The following RAP1GDS1 variants were observed in gnomAD, a reference collection of about 807,000 sequenced individuals.
The protein encoded by RAP1GDS1 is RAP1, GTP-GDP dissociation stimulator 1.
RAP1GDS1 carries 35 observed loss-of-function variants against 71.1 expected under a neutral mutation model. That is an observed-to-expected ratio of 0.49 (90% CI 0.38 to 0.65). The LOEUF is 0.65. RAP1GDS1 is among the 30% of genes least tolerant of loss of function. The probability of loss-of-function intolerance (pLI) is 0.00; values close to 1 mark genes in which losing one functional copy is unlikely to be tolerated. For synonymous variants in RAP1GDS1, 229 were observed against 243.1 expected, an observed-to-expected ratio of 0.94 and a Z score of 0.54; for missense variants, 663 against 706.1, an observed-to-expected ratio of 0.94 and a Z score of 0.69.
chr4:98,329,694 C>T (rs773855147), intron 2 of RAP1GDS1, among the ~76,000 whole-genome samples: 5 of 148,482 alleles, frequency 3.4e-5, no homozygotes, highest in Non-Finnish European at 5.9e-5. Context: ...GAGGCTGAGG[C>T]AGGAGAATCA....
chr4:98,312,619 C>T (rs566409409), intron 2 of RAP1GDS1, among the ~76,000 whole-genome samples: 1 of 152,144 alleles, frequency 6.6e-6, no homozygotes, highest in African/African-American at 2.4e-5. Context: ...TAAGATGATC[C>T]TCTTTTCTAG....
intron 5 of RAP1GDS1, chr4:98,387,544 A>G (rs562997865): frequency 8.9e-6 from 4 of 448,872 alleles, no homozygotes; most frequent in East Asian, 1.4e-4. Context: ...TGATTGCCTT[A>G]TATCTCTTTG....
intron 2 of RAP1GDS1, among the ~76,000 whole-genome samples, chr4:98,323,635 T>C (rs1424402632): frequency 8.2e-6 from 1 of 122,356 alleles, no homozygotes; most frequent in African/African-American, 3.3e-5. Context: ...AATCAATAAA[T>C]GTAATCCAGC....
chr4:98,352,396 G>T (rs767822852), intron 3 of RAP1GDS1, 80 bp from the exon 4 acceptor site: 71 of 1,449,196 alleles, frequency 4.9e-5, no homozygotes, highest in Non-Finnish European at 6.2e-5. Flanking sequence ...TTAAAAGTAG[G>T]TATTTATTTT....
intron 1 of RAP1GDS1, among the ~76,000 whole-genome samples, chr4:98,278,651 T>C (rs1358419351): frequency 6.6e-6 from 1 of 152,200 alleles, no homozygotes; most frequent in Non-Finnish European, 1.5e-5. Flanking sequence ...TAAGCTCTTT[T>C]ATATCCTCAT....
At chr4:98,427,365 A>G (rs1313539296) in intron 12 of RAP1GDS1, among the ~76,000 whole-genome samples, 1 of 152,176 alleles carries the variant, frequency 6.6e-6, no homozygotes, top group Non-Finnish European at 1.5e-5. Flanking sequence ...TCCTAGCCAG[A>G]GCAATCAGAC....
At chr4:98,333,328 A>G (rs1267825785) in intron 2 of RAP1GDS1, among the ~76,000 whole-genome samples, 1 of 152,014 alleles carries the variant, frequency 6.6e-6, no homozygotes, top group Non-Finnish European at 1.5e-5. Context: ...AATTCTTAGT[A>G]ACAATTTTTA....
chr4:98,344,245 C>T (rs1578518209), intron 3 of RAP1GDS1, among the ~76,000 whole-genome samples: 1 of 152,156 alleles, frequency 6.6e-6, no homozygotes, highest in Non-Finnish European at 1.5e-5. Context: ...ACTTATCACT[C>T]TTATATGTCA....
At chr4:98,439,821 A>G (rs1010121364) in intron 14 of RAP1GDS1, among the ~76,000 whole-genome samples, 3 of 152,178 alleles carry the variant, frequency 2.0e-5, no homozygotes, top group African/African-American at 7.2e-5. Flanking sequence ...CATTTTTAGA[A>G]TTGTGGTAAA....
At chr4:98,286,717 T>C (rs1178593077) in intron 1 of RAP1GDS1, among the ~76,000 whole-genome samples, 1 of 151,620 alleles carries the variant, frequency 6.6e-6, no homozygotes. Flanking sequence ...AAACCCCGTG[T>C]CTACTAAAAA....
chr4:98,267,660 C>T (rs765748876), intron 1 of RAP1GDS1, among the ~76,000 whole-genome samples: 6 of 152,180 alleles, frequency 3.9e-5, no homozygotes, highest in Non-Finnish European at 8.8e-5. Context: ...ATCCATGTTG[C>T]TGCAAAGGAC....
chr4:98,329,606 A>C (rs898578314), intron 2 of RAP1GDS1, among the ~76,000 whole-genome samples: 2 of 151,982 alleles, frequency 1.3e-5, no homozygotes, highest in African/African-American at 4.8e-5. Flanking sequence ...TGGCCAACAT[A>C]GTGAAACCTC....
At chr4:98,393,200 T>TCTAA (rs529069155) in intron 6 of RAP1GDS1, among the ~76,000 whole-genome samples, 444 of 152,326 alleles carry the variant, frequency 2.9e-3, no homozygotes, top group African/African-American at 0.01. Context: ...TCTTGGTTTT[T>TCTAA]CTAACTGAAA....
At chr4:98,345,902 A>T (rs1488874418) in intron 3 of RAP1GDS1, among the ~76,000 whole-genome samples, 1 of 152,328 alleles carries the variant, frequency 6.6e-6, no homozygotes, top group East Asian at 1.9e-4. Flanking sequence ...AACCTGAAAG[A>T]TTGGGCTGGT....
intron 3 of RAP1GDS1, among the ~76,000 whole-genome samples, chr4:98,347,694 G>A (rs73834444): frequency 0.049 from 7,520 of 152,064 alleles, 461 homozygotes; most frequent in African/African-American, 0.15. Flanking sequence ...CCCTTTCCCC[G>A]AACCAAAATT....
At chr4:98,349,727 C>T (rs2110414656) in intron 3 of RAP1GDS1, among the ~76,000 whole-genome samples, 1 of 152,092 alleles carries the variant, frequency 6.6e-6, no homozygotes, top group African/African-American at 2.4e-5. Context: ...CTCTTTGAAG[C>T]AATTGTGAAT....
intron 1 of RAP1GDS1, 162 bp downstream of exon 1, chr4:98,261,731 C>G: frequency 1.0e-6 from 1 of 978,670 alleles, no homozygotes; most frequent in Non-Finnish European, 1.5e-6. Flanking sequence ...GCGGAACGCA[C>G]GCCGGGTGCC....
At chr4:98,320,547 G>C in intron 2 of RAP1GDS1, among the ~76,000 whole-genome samples, 1 of 152,062 alleles carries the variant, frequency 6.6e-6, no homozygotes, top group Admixed American at 6.6e-5. Flanking sequence ...GAGAGCAGTG[G>C]TTCTCCCAGC....
chr4:98,407,648 G>C (rs1746332587), intron 7 of RAP1GDS1, among the ~76,000 whole-genome samples: 1 of 152,146 alleles, frequency 6.6e-6, no homozygotes, highest in Non-Finnish European at 1.5e-5. Context: ...CATAGAGAGT[G>C]GATAGAATGG....
Sources: gnomAD v4.1 joint callset for allele counts (sites outside exome capture counted in the v4.1 genomes callset) on GRCh38, gnomAD v4.1.1 for gene constraint, MANE v1.5 for transcripts, NCBI Gene and HGNC (gene_info 2026-07-23, HGNC 2026-07-21) for gene names.